The following LILRB4 variants were observed in gnomAD, a reference collection of about 807,000 sequenced individuals.
LILRB4 encodes the protein leukocyte immunoglobulin-like receptor subfamily B member 4.
Under a neutral mutation model 55.2 loss-of-function variants are expected in LILRB4, and 49 were observed. The observed-to-expected ratio is 0.89, with a 90% CI of 0.71 to 1.13. The LOEUF is 1.13. Ranked by LOEUF, LILRB4 falls within the 50% of genes most tolerant of loss-of-function variation. LILRB4 has a pLI of 0.00. For missense variants in LILRB4, 590 were observed against 555.2 expected (o/e 1.06, Z -0.63); for synonymous variants, 229 against 213.8 (o/e 1.07, Z -0.62).
chr19:54,666,264 GTCCTCCAGGGGC>G lies in LILRB4; in HGVS notation c.901_912del (p.Pro301_Ala304del). 2 of 1,606,582 alleles carry G rather than the reference GTCCTCCAGGGGC, an allele frequency of 1.2e-6. No individual in the cohort carries two copies. Among genetic ancestry groups the G allele is most frequent in the Non-Finnish European group, 1.7e-6 (2 of 1,176,262 alleles). On this transcript the variant is annotated inframe_deletion, in exon 8 of 12. Coordinates refer to ENST00000430952, the Ensembl canonical transcript of LILRB4. The surrounding 1 kb of genome is among the most constrained non-coding windows in gnomAD (Gnocchi z 4.8). ...GCCCAGAGACAGGCTGATTTCCAAC[GTCCTCCAGGGGC>G]TGCCGAGCCAGAGCCCAAGGACGGG...
chr19:54,667,941 G>T (rs747881421), exon 12 of LILRB4: 30 of 1,612,550 alleles, frequency 1.9e-5, no homozygotes, highest in Non-Finnish European at 2.5e-5. Context: ...TCAGACAGAA[G>T]GCAACTGAGC....
Position 54,667,661 on chromosome 19 carries a change from G to C in LILRB4, c.1065G>C (p.Gln355His), listed in dbSNP as rs75552485. 4.2e-3 allele frequency: 6,789 copies of C among 1,608,640 alleles called. 186 individuals carry two copies. The African/African-American group carries it at 0.078, about 18-fold the overall frequency. Residue 355 changes from glutamine (Q) to histidine (H), a missense_variant, in exon 11 of 12, where the codon CAG becomes CAC. Physicochemically the swap from Gln to His is conservative, Grantham distance 24. Coordinates refer to ENST00000430952, the Ensembl canonical transcript of LILRB4. Reference sequence around the variant, plus strand: ...AGAGCCCACACGATGAAGACCCCCAGGCAGTGACGTATGCCAAGGTGAAAC... The same window carrying C: ...AGAGCCCACACGATGAAGACCCCCACGCAGTGACGTATGCCAAGGTGAAAC...
intron 1 of LILRB4, 69 bp from the exon 2 acceptor site, chr19:54,663,463 A>T (rs866173742): frequency 6.5e-7 from 1 of 1,533,538 alleles, no homozygotes; most frequent in African/African-American, 1.4e-5. Context: ...AAAAAAAAAA[A>T]ATCTCAGGGT....
At chr19:54,667,966 G>A (rs776778144) in exon 12 of LILRB4, 3 of 1,613,852 alleles carry the variant, frequency 1.9e-6, no homozygotes, top group Non-Finnish European at 2.5e-6. Context: ...TCCATCCCAG[G>A]AAGGGGCCTC....
Position 54,666,342 on chromosome 19 carries a change from C to G in LILRB4, c.950+27C>G. 6.2e-7 allele frequency: 1 copy of G among 1,610,304 alleles called. No individual in the cohort carries two copies. Among genetic ancestry groups the G allele is most frequent in the South Asian group, 1.1e-5 (1 of 90,592 alleles). On this transcript the variant is annotated intron_variant, in intron 8 of 11. Coordinates refer to ENST00000430952, the Ensembl canonical transcript of LILRB4. The surrounding 1 kb of genome is among the most constrained non-coding windows in gnomAD (Gnocchi z 4.8). ...TAATTCTGCCCAAAGACCTCAGACT[C>G]CCACCCATCCCAACAGCCACCTCAC... is the stretch of plus-strand genomic sequence containing the variant.
At chr19:54,664,393 T>C (rs2065168900) in exon 4 of LILRB4, 3 of 1,613,950 alleles carry the variant, frequency 1.9e-6, no homozygotes, top group Non-Finnish European at 8.5e-7. Context: ...GTGACCTCAG[T>C]GCACGGGGGG....
At chr19:54,667,468 G>A (rs2146416828) in intron 10 of LILRB4, 167 bp from the exon 11 acceptor site, 1 of 1,351,694 alleles carries the variant, frequency 7.4e-7, no homozygotes, top group South Asian at 1.5e-5. Flanking sequence ...GAGGAGCAGA[G>A]ACCAGAACCA....
In LILRB4 at chr19:54,666,758, C is replaced by T. The variant is rs750712835; in HGVS notation, c.1041+9C>T. On this transcript the variant is annotated intron_variant, in intron 10 of 11. Coordinates refer to ENST00000430952, the Ensembl canonical transcript of LILRB4. The surrounding 1 kb of genome is among the most constrained non-coding windows in gnomAD (Gnocchi z 4.8). ...TGGAAATGGACACTCGGGTGAGAAC[C>T]CGCCCCTGTCCCCGGCACCAAAGGC... The T allele has an allele frequency of 2.5e-6, 4 of 1,613,844 alleles. No homozygotes were observed. Among genetic ancestry groups the T allele is most frequent in the East Asian group, 2.2e-5 (1 of 44,870 alleles).
At chr19:54,664,456 C>T in exon 4 of LILRB4, 1 of 1,610,134 alleles carries the variant, frequency 6.2e-7, no homozygotes, top group Non-Finnish European at 8.5e-7. Flanking sequence ...CTGTCACACC[C>T]CAGTGACCCC....
exon 12 of LILRB4, chr19:54,667,978 C>G (rs1340340243): frequency 6.2e-7 from 1 of 1,614,178 alleles, no homozygotes; most frequent in Non-Finnish European, 8.5e-7. Flanking sequence ...AGGGGCCTCT[C>G]CAGCTGAGCC....
At chr19:54,667,246 A>C (rs993363650) in intron 10 of LILRB4, 2 of 575,548 alleles carry the variant, frequency 3.5e-6, no homozygotes, top group Non-Finnish European at 6.7e-6. Flanking sequence ...GGTAAAGGGC[A>C]GAGAGTGTGG....
At chr19:54,668,120 C>A in exon 12 of LILRB4, 2 of 1,368,016 alleles carry the variant, frequency 1.5e-6, no homozygotes, top group Non-Finnish European at 2.0e-6. Context: ...CCAGCCCAGA[C>A]CCCTGACACA....
Position 54,666,930 on chromosome 19 carries a change from G to A in LILRB4, c.1041+181G>A. The A allele has an allele frequency of 1.3e-6, 1 of 764,078 alleles. No homozygotes were observed. Among genetic ancestry groups the A allele is most frequent in the South Asian group, 1.4e-5 (1 of 71,450 alleles). 47.3% of individuals were successfully genotyped at this position (764,078 alleles called of 1,614,324 possible). On this transcript the variant is annotated intron_variant, in intron 10 of 11. Coordinates refer to ENST00000430952, the Ensembl canonical transcript of LILRB4. The surrounding 1 kb of genome is among the most constrained non-coding windows in gnomAD (Gnocchi z 4.8). ...TCTCCTGCTGTCCTGGGACCTCATG[G>A]GCCTCCTCCCGGGTCCCCTTCCTGC... is the stretch of plus-strand genomic sequence containing the variant.
At position 54,665,214 on chromosome 19, in the gene LILRB4, G is replaced by A. The variant is rs374805824; in HGVS notation, c.757+34G>A. The A allele has an allele frequency of 1.9e-6, 3 of 1,569,638 alleles. No individual in the cohort carries two copies. The highest frequency in any genetic ancestry group is 2.7e-5 in the African/African-American group (2 of 74,204). ...GGGGCTCTGAGTGGGAGGTGGGCAG[G>A]GTCTAGGGGAGCCAAGGGTGGGTTC... On this transcript the variant is annotated intron_variant, in intron 6 of 11. Coordinates refer to ENST00000430952, the Ensembl canonical transcript of LILRB4. This position sits in a 1 kb window ranked among gnomAD's most constrained non-coding sequence, Gnocchi z 5.5.
At chr19:54,663,985 G>A (rs377159562) in exon 3 of LILRB4, 42 of 1,613,964 alleles carry the variant, frequency 2.6e-5, no homozygotes, top group South Asian at 1.2e-4. Context: ...TGTTACTATC[G>A]CAGCCCTGTA....
exon 12 of LILRB4, chr19:54,668,139 G>A (rs2065382844): frequency 3.5e-6 from 4 of 1,154,316 alleles, no homozygotes; most frequent in African/African-American, 1.6e-5. Context: ...CAGACCACTA[G>A]AAGATTCCGG....
At chr19:54,663,115 T>G in intron 1 of LILRB4, 48 bp downstream of exon 1, 1 of 1,589,096 alleles carries the variant, frequency 6.3e-7, no homozygotes, top group Non-Finnish European at 8.6e-7. Flanking sequence ...GGAGGAAATT[T>G]GCCTCACAGC....
In LILRB4 at chr19:54,666,168, C is replaced by T. The variant is rs1599928154; in HGVS notation, c.875-72C>T. On this transcript the variant is annotated intron_variant, in intron 7 of 11. Transcript: ENST00000430952. The surrounding 1 kb of genome is among the most constrained non-coding windows in gnomAD (Gnocchi z 4.8). ...CAAGTGTATTTTCAGGTTTCCTTTC[C>T]TCTTGACTTGCATGTGCAAGGCAGG... The T allele has an allele frequency of 7.0e-7, 1 of 1,436,048 alleles. No homozygotes were observed. Among genetic ancestry groups the T allele is most frequent in the Non-Finnish European group, 9.4e-7 (1 of 1,058,376 alleles). The allele number at this position is 1,436,048 out of a possible 1,614,324, so 89.0% of individuals were successfully genotyped here.
chr19:54,667,897 G>A, exon 12 of LILRB4: 3 of 1,611,378 alleles, frequency 1.9e-6, no homozygotes, highest in Non-Finnish European at 2.5e-6. Context: ...AGCCCCCCAG[G>A]ATGTGACCTA....
Sources: allele counts gnomAD v4.1 joint callset, GRCh38; gene constraint gnomAD v4.1.1; non-coding constraint Gnocchi (gnomAD v3.1); transcripts MANE v1.5; gene names NCBI Gene and HGNC (gene_info 2026-07-23, HGNC 2026-07-21).